Variants in CBR4 observed in about 807,000 individuals in gnomAD.
CBR4 encodes carbonyl reductase 4.
A neutral mutation model predicts 21.0 loss-of-function variants in CBR4; 22 were observed. That is an observed-to-expected ratio of 1.05 (90% CI 0.75 to 1.50). The LOEUF (loss-of-function observed/expected upper bound fraction) is 1.50. Among genes scored for constraint, CBR4 ranks in the 40% most tolerant of loss-of-function variants. The probability of loss-of-function intolerance (pLI) is 0.00; values close to 1 mark genes in which losing one functional copy is unlikely to be tolerated. For synonymous variants in CBR4, 100 were observed against 104.4 expected (o/e 0.96, Z 0.26); for missense variants, 302 against 286.3 (o/e 1.05, Z -0.40).
chr4:168,910,202 A>T lies in CBR4; in HGVS notation n.170-15437T>A, dbSNP rs373214133. On this transcript the variant is annotated intron_variant and non_coding_transcript_variant, in intron 2 of 3. Transcript: ENST00000509108. ...TAGAAATGTGTGACCTTTCCAGAGT[A>T]GTATGCCAACCTGTTTACTTTTTTT... 1.0e-4 allele frequency among the ~76,000 whole-genome samples: 15 copies of T among 149,638 alleles called. No individual in the cohort carries two copies. In the East Asian group the frequency reaches 3.0e-3, roughly 30 times the overall value.
intron 2 of CBR4, among the ~76,000 whole-genome samples, chr4:168,968,336 C>T (rs1764105474): frequency 6.6e-6 from 1 of 152,184 alleles, no homozygotes; most frequent in Non-Finnish European, 1.5e-5. Context: ...ATGCTATCAT[C>T]AGTAGAGTGG....
At chr4:168,928,552 G>A (rs1762839414) in intron 2 of CBR4, 1 of 161,334 alleles carries the variant, frequency 6.2e-6, no homozygotes, top group African/African-American at 2.4e-5. Flanking sequence ...TGTAAATCAA[G>A]TTCGGGCAGG....
intron 1 of CBR4, among the ~76,000 whole-genome samples, chr4:169,009,742 C>A (rs967792846): frequency 6.6e-6 from 1 of 152,242 alleles, no homozygotes; most frequent in Non-Finnish European, 1.5e-5. Flanking sequence ...CGGCAAGCTG[C>A]GTGGCCGGCA....
intron 1 of CBR4, among the ~76,000 whole-genome samples, chr4:169,008,655 CTTGG>C (rs923118476): frequency 3.3e-5 from 5 of 152,192 alleles, no homozygotes; most frequent in Non-Finnish European, 5.9e-5. Flanking sequence ...CTCTCTTACT[CTTGG>C]TTTTCACCCG....
chr4:168,898,785 GC>G (rs1755821567), intron 2 of CBR4: 1 of 923,418 alleles, frequency 1.1e-6, no homozygotes, highest in African/African-American at 1.6e-5. Context: ...AACATAGCAT[GC>G]CAGTAGGAGA....
chr4:168,935,088 T>C (rs930172723), intron 2 of CBR4, among the ~76,000 whole-genome samples: 2 of 152,116 alleles, frequency 1.3e-5, no homozygotes, highest in Non-Finnish European at 2.9e-5. Context: ...GCTCATCTCA[T>C]TGGGACTGGT....
intron 2 of CBR4, among the ~76,000 whole-genome samples, chr4:168,973,772 G>C (rs139993045): frequency 6.6e-6 from 1 of 152,138 alleles, no homozygotes; most frequent in Non-Finnish European, 1.5e-5. Context: ...TTTAATCTAC[G>C]AGGGTTGTAT....
At chr4:168,995,219 A>G (rs909468929) in intron 4 of CBR4, among the ~76,000 whole-genome samples, 2 of 152,200 alleles carry the variant, frequency 1.3e-5, no homozygotes, top group African/African-American at 4.8e-5. Flanking sequence ...AATACTTCCA[A>G]TTCAAGAAGC....
At position 169,007,712 on chromosome 4, in the gene CBR4, C is replaced by T; in HGVS notation, c.187G>A (p.Val63Ile). The T allele has an allele frequency of 6.3e-7, 1 of 1,590,084 alleles. No homozygotes were observed. The highest frequency in any genetic ancestry group is 8.6e-7 in the Non-Finnish European group (1 of 1,168,724). ...TCCAGCTCTTCAAATGTATTTTGAACATCATGTTCTTTAGCAACATCACAG... is the reference window on the plus strand; with the variant it reads ...TCCAGCTCTTCAAATGTATTTTGAATATCATGTTCTTTAGCAACATCACAG... ...FSCDVAKEHD[V>I]QNTFEELEKH... is the part of the protein sequence containing the mutation. Residue 63 changes from valine (V) to isoleucine (I), a missense_variant, in exon 2 of 5, where the codon GTT becomes ATT. Physicochemically the swap from Val to Ile is conservative, Grantham distance 29 (BLOSUM62 3). Transcript: ENST00000306193.
intron 4 of CBR4, among the ~76,000 whole-genome samples, chr4:168,994,765 T>C (rs1228813068): frequency 6.9e-6 from 1 of 145,050 alleles, no homozygotes; most frequent in Non-Finnish European, 1.5e-5. Flanking sequence ...TTTTTTTTTT[T>C]TTTTTTGAGA....
chr4:168,903,627 G>A, intron 2 of CBR4: 1 of 737,466 alleles, frequency 1.4e-6, no homozygotes, highest in Non-Finnish European at 2.4e-6. Flanking sequence ...CCTTAGTCAG[G>A]TATTTGGTTT....
intron 2 of CBR4, among the ~76,000 whole-genome samples, chr4:168,930,525 A>T (rs994438670): frequency 3.3e-5 from 5 of 152,222 alleles, no homozygotes; most frequent in Non-Finnish European, 7.3e-5. Flanking sequence ...GTTACATAAG[A>T]GTGATGTCAG....
At chr4:168,927,730 CAT>C (rs775430593) in intron 2 of CBR4, 16 of 222,504 alleles carry the variant, frequency 7.2e-5, no homozygotes, top group Non-Finnish European at 1.4e-4. Context: ...TTTTTGAATG[CAT>C]ATGATTTTGC....
intron 2 of CBR4, among the ~76,000 whole-genome samples, chr4:168,960,625 T>C (rs188783157): frequency 2.0e-5 from 3 of 152,364 alleles, no homozygotes; most frequent in Admixed American, 6.5e-5. Flanking sequence ...TGCTATTTAC[T>C]ATTTCCTTTT....
At chr4:168,925,138 A>G in intron 2 of CBR4, 1 of 1,598,378 alleles carries the variant, frequency 6.3e-7, no homozygotes, top group Non-Finnish European at 8.6e-7. Context: ...AAAATTAGAC[A>G]TCTGGACAGC....
At chr4:169,006,339 TA>T (rs79662740) in intron 3 of CBR4, among the ~76,000 whole-genome samples, 1,508 of 146,170 alleles carry the variant, frequency 0.01, 19 homozygotes, top group African/African-American at 0.033. Flanking sequence ...CGTCTCTATT[TA>T]AAAAAAAAAA....
intron 2 of CBR4, among the ~76,000 whole-genome samples, chr4:168,921,150 A>G (rs1761404646): frequency 1.3e-5 from 2 of 152,098 alleles, no homozygotes; most frequent in Non-Finnish European, 2.9e-5. Flanking sequence ...TCATGCTTGT[A>G]ATCCCAGCAC....
At chr4:168,979,390 C>A (rs1003089490) in intron 2 of CBR4, among the ~76,000 whole-genome samples, 4 of 152,150 alleles carry the variant, frequency 2.6e-5, no homozygotes. Flanking sequence ...AGAAAAGCAA[C>A]CAGACTGTTT....
At chr4:168,939,748 T>G (rs921296827) in intron 2 of CBR4, among the ~76,000 whole-genome samples, 4 of 152,142 alleles carry the variant, frequency 2.6e-5, no homozygotes, top group African/African-American at 9.7e-5. Flanking sequence ...GAAGGATCTC[T>G]TCAAGGAGAA....
Sources: allele counts gnomAD v4.1 joint callset (sites outside exome capture counted in the v4.1 genomes callset), GRCh38; gene constraint gnomAD v4.1.1; transcripts MANE v1.5; gene names NCBI Gene and HGNC (gene_info 2026-07-23, HGNC 2026-07-21).